Variants in CUL3 observed in about 807,000 individuals in gnomAD.
CUL3 encodes cullin-3.
In CUL3, 19 loss-of-function variants were observed where a neutral mutation model predicts 89.1. The observed-to-expected ratio is 0.21, with a 90% confidence interval of 0.15 to 0.31. The LOEUF (loss-of-function observed/expected upper bound fraction) is 0.31, where lower values mean the gene tolerates loss of function less well. Among genes scored for constraint, CUL3 ranks in the 10% least tolerant of loss-of-function variants. CUL3 has a pLI of 1.00. For missense variants in CUL3, 469 were observed against 942.3 expected, an observed-to-expected ratio of 0.50 and a Z score of 6.58; for synonymous variants, 351 against 308.4, an observed-to-expected ratio of 1.14 and a Z score of -1.45.
intron 2 of CUL3, among the ~76,000 whole-genome samples, chr2:224,537,200 T>C (rs914881881): frequency 4.6e-5 from 7 of 152,178 alleles, no homozygotes; most frequent in African/African-American, 1.7e-4. Context: ...TATGAACAAG[T>C]GGCTAAAAGT....
chr2:224,511,647 G>T, intron 5 of CUL3, 65 bp from the exon 6 acceptor site: 1 of 850,368 alleles, frequency 1.2e-6, no homozygotes, highest in Non-Finnish European at 1.8e-6. Context: ...CTTTTAGCTG[G>T]GTTTCTACAG....
In CUL3 at chr2:224,503,819, T is replaced by C. The variant is rs1264143357; in HGVS notation, c.1210A>G (p.Thr404Ala). Residue 404 changes from threonine to alanine, a missense_variant, in exon 9 of 16, where the codon ACA (threonine) becomes GCA (alanine). Physicochemically the swap from Thr to Ala is moderately conservative, Grantham distance 58. This residue lies in a region of CUL3 where 370 missense variants were observed against 733.2 expected (regional missense o/e 0.50). Coordinates refer to ENST00000264414, the MANE Select transcript of CUL3 (RefSeq NM_003590.5). ...DKLKKGVKGL[T>A]EQEVETILDK... ...AATATTGTTTCTACTTCTTGTTCTG[T>C]TAGCTGCAAAATTAAGATGATGTAA... The C allele has an allele frequency of 6.5e-7, 1 of 1,546,552 alleles. No homozygotes were observed. Among genetic ancestry groups the C allele is most frequent in the Non-Finnish European group, 8.7e-7 (1 of 1,150,880 alleles).
chr2:224,478,156 G>A lies in CUL3; in HGVS notation c.2175+44C>T, dbSNP rs191316227. ...TGAATACAATAATTTTGTTAATAATGTTACTGTTTTTTCTATATTAGCCCA... is the reference window on the plus strand; with the variant it reads ...TGAATACAATAATTTTGTTAATAATATTACTGTTTTTTCTATATTAGCCCA... On this transcript the variant is annotated intron_variant, in intron 15 of 15. Transcript: ENST00000264414. The A allele has an allele frequency of 8.6e-6, 13 of 1,511,408 alleles. No individual in the cohort carries two copies. The East Asian group carries it at 2.7e-4, about 32-fold the overall frequency. The allele number at this position is 1,511,408 out of a possible 1,614,324, so 93.6% of individuals were successfully genotyped here.
At chr2:224,500,626 T>TA in intron 10 of CUL3, 139 bp from the exon 11 acceptor site, 37 of 706,184 alleles carry the variant, frequency 5.2e-5, no homozygotes, top group Non-Finnish European at 6.5e-5. Flanking sequence ...GATTTTCTTT[T>TA]CTTTTTTTTT....
At chr2:224,499,824 C>T (rs774351729) in intron 11 of CUL3, 18 of 206,248 alleles carry the variant, frequency 8.7e-5, no homozygotes, top group Non-Finnish European at 1.5e-4. Flanking sequence ...GGTCTTTTCA[C>T]AAAGCAGTCT....
chr2:224,552,795 C>T (rs780383843), intron 2 of CUL3, among the ~76,000 whole-genome samples: 5 of 152,048 alleles, frequency 3.3e-5, no homozygotes, highest in African/African-American at 7.2e-5. Flanking sequence ...ATATATGGTT[C>T]GTCAGGCAGT....
chr2:224,563,080 A>G (rs1694952791), intron 1 of CUL3: 1 of 374,884 alleles, frequency 2.7e-6, no homozygotes, highest in Non-Finnish European at 5.3e-6. Context: ...TTGAACGCTC[A>G]TCGACAGTCA....
intron 2 of CUL3, among the ~76,000 whole-genome samples, chr2:224,537,523 T>C (rs543618545): frequency 5.3e-4 from 81 of 152,304 alleles, no homozygotes; most frequent in African/African-American, 1.8e-3. Context: ...TAATGTATCA[T>C]TTGTTTCAAC....
At chr2:224,546,050 T>G (rs1254519927) in intron 2 of CUL3, among the ~76,000 whole-genome samples, 1 of 152,168 alleles carries the variant, frequency 6.6e-6, no homozygotes, top group Admixed American at 6.5e-5. Flanking sequence ...AGCTTTTTAC[T>G]TACTGGTTGG....
At chr2:224,516,318 C>CTTTTTTTTTTTTT (rs68130414) in intron 3 of CUL3, among the ~76,000 whole-genome samples, 1 of 133,444 alleles carries the variant, frequency 7.5e-6, no homozygotes, top group Non-Finnish European at 1.6e-5. Flanking sequence ...TTTTTGTTTG[C>CTTTTTTTTTTTTT]TTTTTTTTTT....
At chr2:224,500,187 C>T (rs980659914) in intron 11 of CUL3, 176 bp downstream of exon 11, 4 of 573,946 alleles carry the variant, frequency 7.0e-6, no homozygotes, top group African/African-American at 5.7e-5. Context: ...CTTTACTTTA[C>T]TCATCAAGAT....
rs201134234 is a variant in CUL3, at chr2:224,496,151, C to T, written c.1708-185G>A. Among the ~76,000 whole-genome samples the T allele has an allele frequency of 3.9e-5, 6 of 152,184 alleles. No individual in the cohort carries two copies. In the East Asian group the frequency reaches 1.2e-3, roughly 29 times the overall value. On this transcript the variant is annotated intron_variant, in intron 12 of 15. Coordinates refer to ENST00000264414, the MANE Select transcript of CUL3 (RefSeq NM_003590.5). ...GCTCAAGCAATCCTCCTACCTTAGC[C>T]TCCCAAGTAACTAGGACCATGTGTG...
chr2:224,479,238 C>T (rs1304206492), intron 14 of CUL3: 2 of 151,910 alleles, frequency 1.3e-5, no homozygotes, highest in Non-Finnish European at 2.9e-5. Flanking sequence ...GCAGATTGTA[C>T]AATTTAGAAG....
chr2:224,538,848 A>G (rs1323574092), intron 2 of CUL3, among the ~76,000 whole-genome samples: 1 of 152,146 alleles, frequency 6.6e-6, no homozygotes, highest in African/African-American at 2.4e-5. Flanking sequence ...TCAGGCAGAA[A>G]ATTAGAGTCA....
At chr2:224,492,948 C>T (rs561777468) in intron 13 of CUL3, among the ~76,000 whole-genome samples, 4 of 152,228 alleles carry the variant, frequency 2.6e-5, no homozygotes, top group Admixed American at 6.5e-5. Context: ...CATGAAAAGG[C>T]CCATGTGCAG....
chr2:224,578,344 G>C (rs1249132391), intron 1 of CUL3, among the ~76,000 whole-genome samples: 1 of 152,042 alleles, frequency 6.6e-6, no homozygotes, highest in Non-Finnish European at 1.5e-5. Context: ...TTTAACAGCA[G>C]CATATACAAT....
intron 3 of CUL3, among the ~76,000 whole-genome samples, chr2:224,524,307 C>A (rs756200705): frequency 2.0e-5 from 3 of 151,992 alleles, no homozygotes; most frequent in Non-Finnish European, 4.4e-5. Context: ...GCAGCTAGGA[C>A]TTAAGATGTC....
chr2:224,522,022 C>A, intron 3 of CUL3, among the ~76,000 whole-genome samples: 1 of 149,446 alleles, frequency 6.7e-6, no homozygotes, highest in African/African-American at 2.5e-5. Context: ...ACTTATTCTG[C>A]TAGTAAGCTA....
intron 1 of CUL3, among the ~76,000 whole-genome samples, chr2:224,584,544 A>T (rs1159957862): frequency 2.0e-5 from 3 of 151,664 alleles, no homozygotes; most frequent in African/African-American, 7.3e-5. Flanking sequence ...GTGTAGCGAA[A>T]CCCCACGTGA....
Sources: gnomAD v4.1 joint callset for allele counts (sites outside exome capture counted in the v4.1 genomes callset) on GRCh38, gnomAD v4.1.1 for gene constraint, gnomAD v4.1.1 regional missense constraint, MANE v1.5 for transcripts, NCBI Gene and HGNC (gene_info 2026-07-23, HGNC 2026-07-21) for gene names.